Variants in LRRC7 observed in about 807,000 individuals in gnomAD.
LRRC7 encodes leucine rich repeat containing 7.
A neutral mutation model predicts 175.7 loss-of-function variants in LRRC7; 23 were observed. The observed-to-expected ratio is 0.13, with a 90% confidence interval of 0.09 to 0.19. The LOEUF (loss-of-function observed/expected upper bound fraction) is 0.19. Ranked by LOEUF, LRRC7 falls within the 10% of genes least tolerant of loss-of-function variation. LRRC7 has a pLI of 1.00. For missense variants in LRRC7, 1,354 were observed against 1,904.7 expected (o/e 0.71, Z 5.38); for synonymous variants, 685 against 680.9 (o/e 1.01, Z -0.09).
chr1:69,868,334 CT>C (rs753193895), intron 7 of LRRC7, among the ~76,000 whole-genome samples: 5 of 151,728 alleles, frequency 3.3e-5, no homozygotes, highest in Admixed American at 2.0e-4. Flanking sequence ...GGTAATTTTT[CT>C]TTTTTTTCTA....
chr1:69,804,143 A>G (rs1360156934), intron 4 of LRRC7, among the ~76,000 whole-genome samples: 6 of 151,414 alleles, frequency 4.0e-5, no homozygotes, highest in Non-Finnish European at 8.9e-5. Context: ...TTTTATTGAA[A>G]TACATTGCAG....
At chr1:69,831,285 A>G (rs144399626) in intron 5 of LRRC7, among the ~76,000 whole-genome samples, 1 of 152,180 alleles carries the variant, frequency 6.6e-6, no homozygotes, top group African/African-American at 2.4e-5. Flanking sequence ...GAATTACAAG[A>G]CATCAAAGAT....
chr1:69,920,107 G>A, intron 7 of LRRC7: 1 of 242,740 alleles, frequency 4.1e-6, no homozygotes, highest in African/African-American at 2.3e-5. Context: ...AGGGCAATGT[G>A]GTGGGAGGAG....
chr1:69,854,726 T>G (rs1341000661), intron 7 of LRRC7, among the ~76,000 whole-genome samples: 1 of 152,152 alleles, frequency 6.6e-6, no homozygotes, highest in Non-Finnish European at 1.5e-5. Flanking sequence ...GTTCCAACAG[T>G]TTAATAGCAA....
At chr1:69,753,705 C>T (rs1289455285) in intron 2 of LRRC7, among the ~76,000 whole-genome samples, 1 of 151,988 alleles carries the variant, frequency 6.6e-6, no homozygotes, top group Non-Finnish European at 1.5e-5. Flanking sequence ...AAATCATAGA[C>T]TTGGCAAGTT....
chr1:70,119,333 G>A (rs1327201672), intron 26 of LRRC7, among the ~76,000 whole-genome samples: 1 of 151,904 alleles, frequency 6.6e-6, no homozygotes, highest in Non-Finnish European at 1.5e-5. Flanking sequence ...ATTCAATTCA[G>A]CATATATGTA....
chr1:69,961,024 A>C (rs1651021375), intron 8 of LRRC7, among the ~76,000 whole-genome samples: 1 of 152,164 alleles, frequency 6.6e-6, no homozygotes, highest in Non-Finnish European at 1.5e-5. Flanking sequence ...TTCAAATAGG[A>C]GGGGAGGAAG....
intron 3 of LRRC7, among the ~76,000 whole-genome samples, chr1:69,781,441 G>A (rs1440751865): frequency 1.3e-5 from 2 of 151,712 alleles, no homozygotes; most frequent in Non-Finnish European, 2.9e-5. Context: ...CAGCACTTTG[G>A]GAGATCGAGG....
chr1:69,991,638 C>G (rs544089292), intron 10 of LRRC7, among the ~76,000 whole-genome samples: 1 of 152,142 alleles, frequency 6.6e-6, no homozygotes, highest in Admixed American at 6.6e-5. Flanking sequence ...CGAATTGCAT[C>G]GTGTCCTCCT....
chr1:69,570,418 T>C (rs934759476), intron 1 of LRRC7, among the ~76,000 whole-genome samples: 2 of 152,050 alleles, frequency 1.3e-5, no homozygotes, highest in South Asian at 2.1e-4. Flanking sequence ...TCTGCCTTTT[T>C]TTACCGCCCA....
At position 69,887,930 on chromosome 1, in the gene LRRC7, A is replaced by G. The variant is rs561624351; in HGVS notation, c.648-43577A>G. Among the ~76,000 whole-genome samples the G allele has an allele frequency of 6.7e-3, 977 of 146,000 alleles. 6 individuals carry two copies. Among genetic ancestry groups the G allele is most frequent in the Middle Eastern group, 0.01 (3 of 288 alleles). On this transcript the variant is annotated intron_variant, in intron 7 of 26. Transcript: ENST00000651989. The stretch of plus-strand genomic sequence containing the variant: ...GGGGTGCCTCTCAGTTAGGCTGCTC[A>G]GGGGTCAGGGGTCAGGGACCCACTT...
intron 1 of LRRC7, among the ~76,000 whole-genome samples, chr1:69,615,008 C>A (rs1277994913): frequency 6.6e-6 from 1 of 152,022 alleles, no homozygotes; most frequent in African/African-American, 2.4e-5. Context: ...CTTTTTCCAT[C>A]TTTGAGCCAA....
chr1:69,962,858 A>G (rs1033143423), intron 8 of LRRC7, among the ~76,000 whole-genome samples: 8 of 152,148 alleles, frequency 5.3e-5, no homozygotes, highest in Admixed American at 2.6e-4. Context: ...AGAATCAGGA[A>G]AAACGACTAA....
chr1:70,082,118 C>T (rs927629347), intron 24 of LRRC7, among the ~76,000 whole-genome samples: 40 of 152,204 alleles, frequency 2.6e-4, no homozygotes, highest in Middle Eastern at 3.4e-3. Context: ...GTCAACTGCC[C>T]AAAGAGCACT....
chr1:69,860,254 C>T (rs1036431825), intron 7 of LRRC7, among the ~76,000 whole-genome samples: 1 of 151,818 alleles, frequency 6.6e-6, no homozygotes, highest in Non-Finnish European at 1.5e-5. Context: ...AATCTCTTCA[C>T]CTCATCATTT....
chr1:69,928,727 A>C (rs1316055509), intron 7 of LRRC7, among the ~76,000 whole-genome samples: 1 of 152,164 alleles, frequency 6.6e-6, no homozygotes, highest in Non-Finnish European at 1.5e-5. Flanking sequence ...TTCTTTGACT[A>C]GGAAAGGGAA....
intron 8 of LRRC7, among the ~76,000 whole-genome samples, chr1:69,969,551 T>G (rs146473302): frequency 1.3e-5 from 2 of 152,080 alleles, no homozygotes; most frequent in East Asian, 3.9e-4. Flanking sequence ...TATATAACGA[T>G]AAAAGGCCTT....
intron 1 of LRRC7, among the ~76,000 whole-genome samples, chr1:69,674,599 G>T (rs78153885): frequency 2.0e-5 from 3 of 152,088 alleles, no homozygotes; most frequent in East Asian, 3.9e-4. Context: ...TAGAACTTTA[G>T]TTAATTCATG....
At chr1:70,097,128 C>A (rs1664464319) in intron 25 of LRRC7, among the ~76,000 whole-genome samples, 1 of 152,108 alleles carries the variant, frequency 6.6e-6, no homozygotes, top group Admixed American at 6.6e-5. Context: ...AATATTGAGA[C>A]TAAATATGAT....
Sources: allele counts gnomAD v4.1 joint callset (sites outside exome capture counted in the v4.1 genomes callset), GRCh38; gene constraint gnomAD v4.1.1; transcripts MANE v1.5; gene names NCBI Gene and HGNC (gene_info 2026-07-23, HGNC 2026-07-21).